The following RGS20 variants were observed in gnomAD, a reference collection of about 807,000 sequenced individuals.
The protein encoded by RGS20 is regulator of G protein signaling 20, also known as gz-selective GTPase-activating protein.
Under a neutral mutation model 33.6 loss-of-function variants are expected in RGS20, and 30 were observed. The ratio of observed to expected loss-of-function variants is 0.89; its 90% CI spans 0.67 to 1.21. RGS20 has a LOEUF of 1.21. Ranked by LOEUF, RGS20 falls within the 50% of genes most tolerant of loss-of-function variation. The pLI is 0.00. For synonymous variants in RGS20, 208 were observed against 197.9 expected, an observed-to-expected ratio of 1.05 and a Z score of -0.43; for missense variants, 472 against 502.4, an observed-to-expected ratio of 0.94 and a Z score of 0.58.
intron 1 of RGS20, among the ~76,000 whole-genome samples, chr8:53,855,308 G>A (rs541463882): frequency 1.3e-5 from 2 of 152,228 alleles, no homozygotes; most frequent in African/African-American, 2.4e-5. Context: ...CAAGTGATCC[G>A]CCCACCTCGG....
chr8:53,905,193 CT>C (rs1813131850), intron 2 of RGS20, among the ~76,000 whole-genome samples: 1 of 152,154 alleles, frequency 6.6e-6, no homozygotes, highest in Non-Finnish European at 1.5e-5. Context: ...TTGACTTCCC[CT>C]ACTAGAAAAC....
chr8:53,910,893 T>C (rs1417016825), intron 2 of RGS20, among the ~76,000 whole-genome samples: 2 of 152,202 alleles, frequency 1.3e-5, no homozygotes, highest in South Asian at 2.1e-4. Context: ...ATCATATCAA[T>C]CTACAAAGTA....
chr8:53,943,692 A>G (rs1264230641), intron 3 of RGS20, among the ~76,000 whole-genome samples: 3 of 152,150 alleles, frequency 2.0e-5, no homozygotes. Context: ...CAAAGCTGAA[A>G]TAAGTTTGCA....
chr8:53,906,927 T>G (rs1019974166), intron 2 of RGS20, among the ~76,000 whole-genome samples: 2 of 152,108 alleles, frequency 1.3e-5, no homozygotes, highest in East Asian at 3.9e-4. Context: ...GGAGGGAGAC[T>G]CCCTTGTTTG....
chr8:53,880,774 C>A (rs1812340839), intron 2 of RGS20, 98 bp from the exon 1 acceptor site: 3 of 1,147,388 alleles, frequency 2.6e-6, no homozygotes, highest in Non-Finnish European at 2.3e-6. Flanking sequence ...TCGGGGGTAC[C>A]CCTAGCACCC....
intron 5 of RGS20, among the ~76,000 whole-genome samples, chr8:53,957,418 A>G (rs976558485): frequency 6.6e-6 from 1 of 152,222 alleles, no homozygotes; most frequent in Admixed American, 6.5e-5. Context: ...AAACACAGGC[A>G]TTGTCTGCCC....
At chr8:53,882,267 C>T (rs1812408826) in intron 2 of RGS20, among the ~76,000 whole-genome samples, 1 of 152,146 alleles carries the variant, frequency 6.6e-6, no homozygotes, top group Non-Finnish European at 1.5e-5. Flanking sequence ...TCTCCCTCCA[C>T]GCTTGTGGGG....
intron 2 of RGS20, among the ~76,000 whole-genome samples, chr8:53,922,354 T>C (rs144802121): frequency 6.6e-6 from 1 of 152,320 alleles, no homozygotes; most frequent in Non-Finnish European, 1.5e-5. Context: ...GCCAGATATA[T>C]ATTTTTCCAT....
Position 53,958,308 on chromosome 8 carries a change from A to G in RGS20, c.1017A>G (p.Arg339=). 6.2e-7 allele frequency: 1 copy of G among 1,613,378 alleles called. No homozygotes were observed. Among genetic ancestry groups the G allele is most frequent in the Non-Finnish European group, 8.5e-7 (1 of 1,179,728 alleles). The change falls in exon 6 of 6, where the codon AGA becomes AGG. Residue 339 remains arginine (R), a synonymous_variant. Coordinates refer to ENST00000297313, the MANE Select transcript of RGS20 (RefSeq NM_170587.4). ...CCCGGGTGAGAGAAGTGATCAACAG[A>G]AACATGGTGGAGCCATCCCAACACA...
chr8:53,941,734 T>C (rs994928138), intron 3 of RGS20, among the ~76,000 whole-genome samples: 1 of 152,154 alleles, frequency 6.6e-6, no homozygotes, highest in Non-Finnish European at 1.5e-5. Flanking sequence ...CAACACGTGA[T>C]AAAAGTGACA....
chr8:53,923,288 A>G (rs936455966), intron 2 of RGS20, among the ~76,000 whole-genome samples: 1 of 152,164 alleles, frequency 6.6e-6, no homozygotes, highest in Admixed American at 6.5e-5. Context: ...ATATACGTAT[A>G]GAGTTTCTTC....
In RGS20 at chr8:53,884,191, C is replaced by CTTTTTTT. The variant is rs4014055; in HGVS notation, c.510+4605_510+4611dup. 4.7e-3 allele frequency among the ~76,000 whole-genome samples: 486 copies of CTTTTTTT among 103,434 alleles called. 38 individuals are homozygous for CTTTTTTT. The highest frequency in any genetic ancestry group is 0.02 in the African/African-American group (439 of 22,090). The allele number at this position is 103,434 out of a possible 152,430, so 67.9% of individuals were successfully genotyped here. A position where few individuals can be genotyped will look rare whatever the true frequency, so the allele number is the denominator to read the frequency against. ...CCATCATCCAAATTAGAAAAACAGTCTTTTTTTTTTTTTTTTTTTTTTGAT... is the reference window on the plus strand; with the variant it reads ...CCATCATCCAAATTAGAAAAACAGTCTTTTTTTTTTTTTTTTTTTTTTTTTTTTTGAT... On this transcript the variant is annotated intron_variant, in intron 2 of 5. Transcript: ENST00000297313.
In RGS20 at chr8:53,902,819, G is replaced by A. The variant is rs187837957; in HGVS notation, c.510+23217G>A. Among the ~76,000 whole-genome samples, 117 of 152,054 alleles carry A rather than the reference G, an allele frequency of 7.7e-4. 1 individual carries two copies. The East Asian group carries it at 0.016, about 21-fold the overall frequency. On this transcript the variant is annotated intron_variant, in intron 2 of 5. Transcript: ENST00000297313. ...CGGCTCACAGCAACCTCTGCCTCCC[G>A]GATTCAAGTAATTCTCCTGCCTCAG... is the stretch of plus-strand genomic sequence containing the variant.
chr8:53,928,519 T>C (rs1353934026), intron 2 of RGS20, among the ~76,000 whole-genome samples: 1 of 152,160 alleles, frequency 6.6e-6, no homozygotes, highest in Non-Finnish European at 1.5e-5. Context: ...TCTAATTTAG[T>C]CTGATAAAAG....
intron 2 of RGS20, among the ~76,000 whole-genome samples, chr8:53,918,710 C>T (rs1334120434): frequency 6.6e-6 from 1 of 152,156 alleles, no homozygotes; most frequent in Non-Finnish European, 1.5e-5. Flanking sequence ...ATTTTCAAGG[C>T]TCATCCATGT....
At chr8:53,929,163 A>C (rs1284575629) in intron 2 of RGS20, among the ~76,000 whole-genome samples, 1 of 152,252 alleles carries the variant, frequency 6.6e-6, no homozygotes, top group Non-Finnish European at 1.5e-5. Flanking sequence ...AAGGAACAAA[A>C]GAGAAATTCT....
intron 2 of RGS20, among the ~76,000 whole-genome samples, chr8:53,891,215 C>T (rs1322238780): frequency 6.6e-6 from 1 of 152,206 alleles, no homozygotes; most frequent in Non-Finnish European, 1.5e-5. Flanking sequence ...TGGAAGAACT[C>T]TCTTACTCAG....
At chr8:53,929,815 G>T (rs1813904293) in intron 2 of RGS20, among the ~76,000 whole-genome samples, 1 of 152,184 alleles carries the variant, frequency 6.6e-6, no homozygotes, top group African/African-American at 2.4e-5. Context: ...ACAGATAGGT[G>T]TGTATAAACA....
rs1812229593 is a variant in RGS20 at position 53,877,306 on chromosome 8, G to C, written c.166-1952G>C. On this transcript the variant is annotated intron_variant, in intron 1 of 5. Coordinates refer to ENST00000297313, the MANE Select transcript of RGS20 (RefSeq NM_170587.4). This position sits in a 1 kb window ranked among gnomAD's most constrained non-coding sequence, Gnocchi z 5.7. ...CCCGCCGGCCCTGCCGCCCGTGGCC[G>C]CCGAAGTTCCCGCCCTCGCCGAGGG... Among the ~76,000 whole-genome samples the C allele has an allele frequency of 6.6e-6, 1 of 152,184 alleles. No individual in the cohort carries two copies. The highest frequency in any genetic ancestry group is 6.5e-5 in the Admixed American group (1 of 15,282).
Sources: gnomAD v4.1 joint callset for allele counts (sites outside exome capture counted in the v4.1 genomes callset) on GRCh38, gnomAD v4.1.1 for gene constraint, Gnocchi (gnomAD v3.1) non-coding constraint, MANE v1.5 for transcripts, NCBI Gene and HGNC (gene_info 2026-07-23, HGNC 2026-07-21) for gene names.